The following NAALADL2 variants were observed in gnomAD, a reference collection of about 807,000 sequenced individuals.
NAALADL2 encodes the protein inactive N-acetylated-alpha-linked acidic dipeptidase-like protein 2.
NAALADL2 carries 76 observed loss-of-function variants against 87.2 expected under a neutral mutation model. The ratio of observed to expected loss-of-function variants is 0.87; its 90% CI spans 0.72 to 1.05. The LOEUF is 1.05. Among genes scored for constraint, NAALADL2 ranks in the 50% least tolerant of loss-of-function variants. The probability of loss-of-function intolerance (pLI) is 0.00; values close to 1 mark genes in which losing one functional copy is unlikely to be tolerated. For missense variants in NAALADL2, 1,089 were observed against 945.8 expected (o/e 1.15, Z -1.99); for synonymous variants, 354 against 331.0 (o/e 1.07, Z -0.75).
chr3:175,048,607 G>A (rs1754977303), intron 1 of NAALADL2, among the ~76,000 whole-genome samples: 1 of 151,818 alleles, frequency 6.6e-6, no homozygotes, highest in Non-Finnish European at 1.5e-5. Flanking sequence ...CATTTCTCAG[G>A]AACCATTTAT....
chr3:174,591,214 G>A (rs543498282), intron 2 of NAALADL2, among the ~76,000 whole-genome samples: 2 of 152,260 alleles, frequency 1.3e-5, no homozygotes, highest in African/African-American at 4.8e-5. Flanking sequence ...TGACAATACG[G>A]CCTTGAATTA....
chr3:175,102,978 A>G lies in NAALADL2; in HGVS notation c.545+5687A>G, dbSNP rs189985035. Among the ~76,000 whole-genome samples the G allele has an allele frequency of 6.6e-4, 100 of 152,080 alleles. 1 individual carries two copies. Among genetic ancestry groups the G allele is most frequent in the Middle Eastern group, 3.4e-3 (1 of 294 alleles). On this transcript the variant is annotated intron_variant, in intron 2 of 13. Coordinates refer to ENST00000454872, the MANE Select transcript of NAALADL2 (RefSeq NM_207015.3). ...ACAAAAATTACCCGGGCATGGTGGC[A>G]TGGGCCTGTAGTCCCAGCCACTTGG...
intron 2 of NAALADL2, among the ~76,000 whole-genome samples, chr3:174,734,886 C>T (rs1733042113): frequency 6.6e-6 from 1 of 151,918 alleles, no homozygotes; most frequent in African/African-American, 2.4e-5. Flanking sequence ...TTATGTAAAG[C>T]TTAAGGAAGA....
intron 1 of NAALADL2, among the ~76,000 whole-genome samples, chr3:174,877,418 C>T (rs1394251531): frequency 1.3e-5 from 2 of 151,998 alleles, no homozygotes; most frequent in African/African-American, 4.8e-5. Context: ...AATAGATAGA[C>T]ATTACTTCAA....
chr3:174,966,376 G>A (rs892564356), intron 1 of NAALADL2, among the ~76,000 whole-genome samples: 4 of 152,130 alleles, frequency 2.6e-5, no homozygotes, highest in Admixed American at 1.3e-4. Context: ...TTATTCTGGA[G>A]GTTGTATGGA....
At chr3:175,587,048 C>A (rs1720637492) in intron 10 of NAALADL2, among the ~76,000 whole-genome samples, 1 of 152,156 alleles carries the variant, frequency 6.6e-6, no homozygotes, top group Non-Finnish European at 1.5e-5. Flanking sequence ...AAAGGATGGT[C>A]CCAAGAGTAG....
intron 5 of NAALADL2, among the ~76,000 whole-genome samples, chr3:175,354,571 A>T (rs1167666893): frequency 6.6e-6 from 1 of 152,120 alleles, no homozygotes; most frequent in Admixed American, 6.6e-5. Context: ...TTCTATAAAA[A>T]GGTGAGTTTT....
chr3:174,903,798 G>A (rs1560345035), intron 1 of NAALADL2, among the ~76,000 whole-genome samples: 2 of 151,748 alleles, frequency 1.3e-5, no homozygotes, highest in Admixed American at 1.3e-4. Flanking sequence ...ATGAGATTAA[G>A]TAGTGACTGA....
chr3:174,511,307 C>T (rs758761430), intron 1 of NAALADL2, among the ~76,000 whole-genome samples: 1 of 151,826 alleles, frequency 6.6e-6, no homozygotes, highest in Non-Finnish European at 1.5e-5. Context: ...TCTTTAAGTT[C>T]TGTAAGCTTT....
At chr3:175,260,299 A>G (rs1406916796) in intron 4 of NAALADL2, among the ~76,000 whole-genome samples, 1 of 152,144 alleles carries the variant, frequency 6.6e-6, no homozygotes, top group Non-Finnish European at 1.5e-5. Context: ...CCCTTGAGAC[A>G]GAGCCTTGCC....
intron 2 of NAALADL2, among the ~76,000 whole-genome samples, chr3:174,639,709 A>C (rs1188695093): frequency 6.6e-6 from 1 of 152,178 alleles, no homozygotes; most frequent in East Asian, 1.9e-4. Flanking sequence ...TACCTCCGAA[A>C]AGAATTTTGA....
At chr3:175,099,698 T>A (rs1721787555) in intron 2 of NAALADL2, among the ~76,000 whole-genome samples, 1 of 152,198 alleles carries the variant, frequency 6.6e-6, no homozygotes, top group African/African-American at 2.4e-5. Context: ...ATCTCTTTTC[T>A]ATTGGTTCTC....
At chr3:174,582,444 A>C (rs1365772002) in intron 2 of NAALADL2, among the ~76,000 whole-genome samples, 1 of 152,232 alleles carries the variant, frequency 6.6e-6, no homozygotes, top group Non-Finnish European at 1.5e-5. Flanking sequence ...CTGTGACTGC[A>C]TTTAATAGTT....
chr3:174,713,109 C>T (rs1161471250), intron 2 of NAALADL2, among the ~76,000 whole-genome samples: 1 of 152,196 alleles, frequency 6.6e-6, no homozygotes, highest in South Asian at 2.1e-4. Flanking sequence ...CAGATTCATC[C>T]ATGTCCCTAC....
chr3:175,700,083 C>T (rs1036468539), intron 11 of NAALADL2, among the ~76,000 whole-genome samples: 3 of 152,124 alleles, frequency 2.0e-5, no homozygotes, highest in Non-Finnish European at 4.4e-5. Flanking sequence ...TATTTGCAAT[C>T]AACTGTGTAC....
chr3:174,616,617 T>A (rs1048974658), intron 2 of NAALADL2, among the ~76,000 whole-genome samples: 4 of 151,892 alleles, frequency 2.6e-5, no homozygotes, highest in African/African-American at 9.7e-5. Context: ...TACACACTGG[T>A]TGAATATTAA....
chr3:175,076,408 T>C (rs1330473172), intron 1 of NAALADL2, among the ~76,000 whole-genome samples: 3 of 151,286 alleles, frequency 2.0e-5, no homozygotes, highest in East Asian at 1.9e-4. Flanking sequence ...AAACCAGATA[T>C]GCTCGATTTT....
rs1728664835 is a variant in NAALADL2 at position 175,133,879 on chromosome 3, G to A, written c.545+36588G>A. 1.3e-5 allele frequency among the ~76,000 whole-genome samples: 2 copies of A among 152,190 alleles called. 1 individual carries two copies. The highest frequency in any genetic ancestry group is 4.1e-4 in the South Asian group (2 of 4,836). ...CAACATTCAAAATGAACATTTGAAT[G>A]TTTTTACTCTGAGGTGATGTAACTG... On this transcript the variant is annotated intron_variant, in intron 2 of 13. Coordinates refer to ENST00000454872, the MANE Select transcript of NAALADL2 (RefSeq NM_207015.3).
chr3:175,340,760 A>T (rs1181516202), intron 5 of NAALADL2, among the ~76,000 whole-genome samples: 1 of 152,182 alleles, frequency 6.6e-6, no homozygotes, highest in Non-Finnish European at 1.5e-5. Flanking sequence ...GCTCCTTAAG[A>T]ATGACTTCCT....
Sources: gnomAD v4.1 joint callset for allele counts (sites outside exome capture counted in the v4.1 genomes callset) on GRCh38, gnomAD v4.1.1 for gene constraint, MANE v1.5 for transcripts, NCBI Gene and HGNC (gene_info 2026-07-23, HGNC 2026-07-21) for gene names.